Variants in AKT3 observed in about 807,000 individuals in gnomAD.
AKT3 encodes the protein AKT serine/threonine kinase 3.
AKT3 carries 15 observed loss-of-function variants against 65.3 expected under a neutral mutation model. The ratio of observed to expected loss-of-function variants is 0.23; its 90% CI spans 0.15 to 0.35. AKT3 has a LOEUF of 0.35. Among genes scored for constraint, AKT3 ranks in the 10% least tolerant of loss-of-function variants. The pLI, the probability that AKT3 is intolerant of heterozygous loss-of-function variation, is 1.00. For synonymous variants in AKT3, 206 were observed against 183.8 expected, an observed-to-expected ratio of 1.12 and a Z score of -0.98; for missense variants, 243 against 576.5, an observed-to-expected ratio of 0.42 and a Z score of 5.92.
chr1:243,712,308 G>C (rs766207824), intron 2 of AKT3, among the ~76,000 whole-genome samples: 4 of 152,170 alleles, frequency 2.6e-5, no homozygotes, highest in Non-Finnish European at 5.9e-5. Context: ...CGGTGAGAGA[G>C]AAAGTTTTTT....
intron 4 of AKT3, among the ~76,000 whole-genome samples, chr1:243,663,319 A>G (rs1192658809): frequency 6.6e-6 from 1 of 152,234 alleles, no homozygotes; most frequent in Admixed American, 6.5e-5. Context: ...CTCAGATCTG[A>G]AAAGATACAT....
At chr1:243,590,144 G>A (rs531467422) in intron 8 of AKT3, among the ~76,000 whole-genome samples, 2 of 152,074 alleles carry the variant, frequency 1.3e-5, no homozygotes, top group African/African-American at 4.8e-5. Flanking sequence ...TTCCAGTTAC[G>A]GGTAAGTTCT....
chr1:243,575,737 G>A (rs1255379395), intron 8 of AKT3, among the ~76,000 whole-genome samples: 1 of 152,022 alleles, frequency 6.6e-6, no homozygotes, highest in Non-Finnish European at 1.5e-5. Context: ...TTTTCATAAT[G>A]GAAAATTTAA....
intron 9 of AKT3, 145 bp from the exon 10 acceptor site, chr1:243,563,993 T>C (rs1673979951): frequency 5.0e-6 from 3 of 600,786 alleles, no homozygotes; most frequent in Admixed American, 7.5e-5. Flanking sequence ...ACTTACAAAC[T>C]CTGTTGCTTC....
chr1:243,625,294 G>A (rs1377899821), intron 6 of AKT3, among the ~76,000 whole-genome samples: 1 of 151,884 alleles, frequency 6.6e-6, no homozygotes, highest in Non-Finnish European at 1.5e-5. Context: ...ACCAAGCCAA[G>A]CTAATTTTCT....
chr1:243,628,683 C>T (rs1679371034), intron 6 of AKT3, among the ~76,000 whole-genome samples: 1 of 152,222 alleles, frequency 6.6e-6, no homozygotes, highest in Admixed American at 6.5e-5. Flanking sequence ...TGTTCAAATG[C>T]TAGTGTCTTA....
chr1:243,736,091 G>A (rs1687828679), intron 2 of AKT3, among the ~76,000 whole-genome samples: 1 of 152,054 alleles, frequency 6.6e-6, no homozygotes, highest in Admixed American at 6.6e-5. Flanking sequence ...TGAGATGGGG[G>A]TAAAAAGTAT....
At position 243,731,925 on chromosome 1, in the gene AKT3, C is replaced by T. The variant is rs566389642; in HGVS notation, c.47-36209G>A. Among the ~76,000 whole-genome samples, 20 of 152,260 alleles carry T rather than the reference C, an allele frequency of 1.3e-4. No individual in the cohort carries two copies. The South Asian group carries it at 2.3e-3, about 17-fold the overall frequency. On this transcript the variant is annotated intron_variant, in intron 2 of 13. Coordinates refer to ENST00000673466, the MANE Select transcript of AKT3 (RefSeq NM_005465.7). ...TGCCTCATATGTAATTACCATGTAA[C>T]GGTTTTTCCTTTCTTCCTAATTTCA...
chr1:243,845,514 G>T (rs1362801366), intron 1 of AKT3, among the ~76,000 whole-genome samples: 1 of 133,018 alleles, frequency 7.5e-6, no homozygotes, highest in Non-Finnish European at 1.6e-5. Context: ...GAGGTGGGAG[G>T]ATCACCTGAG....
At chr1:243,710,450 T>C (rs1686072638) in intron 2 of AKT3, among the ~76,000 whole-genome samples, 1 of 152,166 alleles carries the variant, frequency 6.6e-6, no homozygotes, top group African/African-American at 2.4e-5. Flanking sequence ...CATTCAAAAG[T>C]GAGCGTTATT....
chr1:243,617,632 G>C (rs1678428961), intron 6 of AKT3, among the ~76,000 whole-genome samples: 1 of 152,082 alleles, frequency 6.6e-6, no homozygotes, highest in African/African-American at 2.4e-5. Context: ...GGCTGTAAGG[G>C]AGAACCAATG....
At chr1:243,632,831 C>T (rs1040428683) in intron 6 of AKT3, among the ~76,000 whole-genome samples, 4 of 152,182 alleles carry the variant, frequency 2.6e-5, no homozygotes, top group Admixed American at 1.3e-4. Flanking sequence ...CCTCACACGC[C>T]AACCTTTCCT....
chr1:243,565,108 A>T (rs1223796046), intron 9 of AKT3, among the ~76,000 whole-genome samples: 1 of 152,246 alleles, frequency 6.6e-6, no homozygotes, highest in Non-Finnish European at 1.5e-5. Context: ...TCAATGTGCC[A>T]TCTAACTAAA....
Position 243,615,180 on chromosome 1 carries a change from A to G in AKT3, c.562-19T>C, listed in dbSNP as rs764856425. Reference sequence around the variant, plus strand: ...CTTCATCCTACAAAAGAAAAAAAGCAAACCTTCAATATATGTTTTGAGCAC... The same window carrying G: ...CTTCATCCTACAAAAGAAAAAAAGCGAACCTTCAATATATGTTTTGAGCAC... On this transcript the variant is annotated intron_variant, in intron 6 of 13. Coordinates refer to ENST00000673466, the MANE Select transcript of AKT3 (RefSeq NM_005465.7). 8.2e-6 allele frequency: 13 copies of G among 1,588,776 alleles called. No individual in the cohort carries two copies. Among genetic ancestry groups the G allele is most frequent in the Non-Finnish European group, 1.1e-5 (13 of 1,161,520 alleles).
rs74151207 is a variant in AKT3 at position 243,729,698 on chromosome 1, G to A, written c.47-33982C>T. On this transcript the variant is annotated intron_variant, in intron 2 of 13. Coordinates refer to ENST00000673466, the MANE Select transcript of AKT3 (RefSeq NM_005465.7). Reference sequence around the variant, plus strand: ...CATAATATTAAGAGAAAAAAAGCAAGATATAAAATTCCAAATGTTGTATTT... The same window carrying A: ...CATAATATTAAGAGAAAAAAAGCAAAATATAAAATTCCAAATGTTGTATTT... Among the ~76,000 whole-genome samples, 1,489 of 152,216 alleles carry A rather than the reference G, an allele frequency of 9.8e-3. 21 individuals carry two copies. The highest frequency in any genetic ancestry group is 0.034 in the African/African-American group (1,421 of 41,526).
intron 12 of AKT3, among the ~76,000 whole-genome samples, chr1:243,518,449 AC>A (rs1670504261): frequency 6.6e-6 from 1 of 152,056 alleles, no homozygotes; most frequent in Admixed American, 6.6e-5. Flanking sequence ...ACATGGTGAA[AC>A]CCCATCTCTA....
At chr1:243,569,233 A>G (rs1674383099) in intron 9 of AKT3, among the ~76,000 whole-genome samples, 1 of 152,246 alleles carries the variant, frequency 6.6e-6, no homozygotes, top group Non-Finnish European at 1.5e-5. Context: ...CTGAAATTCC[A>G]AAAGAAAAAC....
chr1:243,493,568 G>A (rs565392539), intron 13 of AKT3, among the ~76,000 whole-genome samples: 1 of 152,038 alleles, frequency 6.6e-6, no homozygotes, highest in Non-Finnish European at 1.5e-5. Flanking sequence ...TCTGTCTGCA[G>A]TGTTCAATCT....
intron 2 of AKT3, among the ~76,000 whole-genome samples, chr1:243,783,170 A>ATC (rs1553451617): frequency 5.9e-5 from 9 of 151,574 alleles, no homozygotes; most frequent in Non-Finnish European, 1.3e-4. Flanking sequence ...TGGGGTCCCT[A>ATC]GATCGGTTCA....
Sources: gnomAD v4.1 joint callset for allele counts (sites outside exome capture counted in the v4.1 genomes callset) on GRCh38, gnomAD v4.1.1 for gene constraint, MANE v1.5 for transcripts, NCBI Gene and HGNC (gene_info 2026-07-23, HGNC 2026-07-21) for gene names.